Variants in ACADM observed in about 807,000 individuals in gnomAD.
ACADM encodes the protein acyl-CoA dehydrogenase medium chain, also known as medium-chain specific acyl-CoA dehydrogenase, mitochondrial.
In ACADM, 49 loss-of-function variants were observed where a neutral mutation model predicts 58.9. The observed-to-expected ratio is 0.83, with a 90% confidence interval of 0.66 to 1.06. ACADM has a LOEUF of 1.06. Ranked by LOEUF, ACADM falls within the 50% of genes least tolerant of loss-of-function variation. The probability of loss-of-function intolerance (pLI) is 0.00; values close to 1 mark genes in which losing one functional copy is unlikely to be tolerated. For synonymous variants in ACADM, 160 were observed against 157.7 expected (o/e 1.01, Z -0.11); for missense variants, 496 against 507.0 (o/e 0.98, Z 0.21).
rs1553127400 is a variant in ACADM, at chr1:75,762,761, T to G, written c.1264T>G (p.Ter422GluextTer9). The G allele has an allele frequency of 6.4e-7, 1 of 1,573,046 alleles. No individual in the cohort carries two copies. The highest frequency in any genetic ancestry group is 1.7e-5 in the Admixed American group (1 of 59,668). ...AREHIDKYKN[*>E] ...TGAACACATTGACAAGTACAAAAAT[T>G]AAAAAAATTACTGTAGAAATATTGA... Residue 422 changes from the stop codon to glutamate, a stop_lost, in exon 12 of 12, where the codon TAA becomes GAA. Transcript: ENST00000370841.
chr1:75,732,234 TTCATC>T (rs1426208990), intron 2 of ACADM, among the ~76,000 whole-genome samples: 2 of 152,346 alleles, frequency 1.3e-5, no homozygotes, highest in East Asian at 3.9e-4. Context: ...CTGAGTGTGT[TTCATC>T]TATTTCGTTA....
At chr1:75,731,761 A>C (rs1214533888) in intron 2 of ACADM, among the ~76,000 whole-genome samples, 2 of 152,066 alleles carry the variant, frequency 1.3e-5, no homozygotes, top group Admixed American at 1.3e-4. Flanking sequence ...ATGGTGTCTC[A>C]TGCTTGTAAT....
chr1:75,732,112 A>T (rs2100360736), intron 2 of ACADM, among the ~76,000 whole-genome samples: 1 of 151,876 alleles, frequency 6.6e-6, no homozygotes, highest in East Asian at 1.9e-4. Context: ...TAATTGCACC[A>T]CTGCACTCCA....
intron 6 of ACADM, among the ~76,000 whole-genome samples, chr1:75,737,831 T>C (rs1312990980): frequency 2.0e-5 from 3 of 152,180 alleles, no homozygotes; most frequent in African/African-American, 4.8e-5. Flanking sequence ...CATACTGTAA[T>C]AGGTGTTCAA....
chr1:75,760,264 CAAAAAA>C (rs764807575), intron 10 of ACADM, among the ~76,000 whole-genome samples: 5 of 51,194 alleles, frequency 9.8e-5, no homozygotes, highest in Non-Finnish European at 1.5e-4. Context: ...ACTAAAAATA[CAAAAAA>C]AAAAAAAAAA....
Position 75,728,389 on chromosome 1 carries a change from T to G in ACADM, c.31-12T>G. 1.9e-6 allele frequency: 3 copies of G among 1,603,950 alleles called. No homozygotes were observed. Among genetic ancestry groups the G allele is most frequent in the Non-Finnish European group, 2.6e-6 (3 of 1,173,140 alleles). On this transcript the variant is annotated splice_polypyrimidine_tract_variant and intron_variant, in intron 1 of 11. Transcript: ENST00000370841. ...CTTATCAAATTTATTTTAATAAAAG[T>G]GTTCTTTACAGGTCCTGAGAAGTAT...
intron 1 of ACADM, among the ~76,000 whole-genome samples, chr1:75,726,360 C>T (rs1488260450): frequency 3.8e-5 from 2 of 53,056 alleles, no homozygotes; most frequent in Non-Finnish European, 6.9e-5. Context: ...CAGAGGGAGA[C>T]TCTGTCAAAA....
At chr1:75,749,700 T>C (rs556327574) in intron 9 of ACADM, 141 bp downstream of exon 9, 77 of 784,418 alleles carry the variant, frequency 9.8e-5, no homozygotes, top group South Asian at 3.7e-4. Flanking sequence ...AAAAATACTG[T>C]TACTTTTCTT....
chr1:75,743,565 A>G, intron 7 of ACADM: 1 of 1,592,108 alleles, frequency 6.3e-7, no homozygotes, highest in East Asian at 2.2e-5. Context: ...TGCCTCCTAT[A>G]GCCACTGGCT....
chr1:75,734,430 C>T (rs1398067951), intron 5 of ACADM, among the ~76,000 whole-genome samples: 1 of 151,812 alleles, frequency 6.6e-6, no homozygotes, highest in Non-Finnish European at 1.5e-5. Flanking sequence ...CCACCTCGGC[C>T]TCCCAAAGTG....
chr1:75,743,641 G>C (rs780076076), intron 7 of ACADM: 6 of 1,523,138 alleles, frequency 3.9e-6, no homozygotes, highest in African/African-American at 1.4e-5. Context: ...TTCAAAGAGT[G>C]AGCCAAAAAC....
intron 8 of ACADM, among the ~76,000 whole-genome samples, chr1:75,749,175 A>C (rs1334672164): frequency 6.6e-6 from 1 of 152,228 alleles, no homozygotes; most frequent in Non-Finnish European, 1.5e-5. Context: ...CAGGCTTTGC[A>C]GGCCATATCT....
At chr1:75,728,333 A>G in intron 1 of ACADM, 68 bp from the exon 2 acceptor site, 1 of 1,307,340 alleles carries the variant, frequency 7.6e-7, no homozygotes, top group Non-Finnish European at 1.1e-6. Context: ...ACTTATGATT[A>G]TCAGTAGTCT....
intron 6 of ACADM, among the ~76,000 whole-genome samples, chr1:75,737,311 T>TATATAC (rs1647319663): frequency 4.9e-5 from 5 of 101,308 alleles, no homozygotes; most frequent in African/African-American, 1.1e-4. Flanking sequence ...TATATATATA[T>TATATAC]ATATATATAT....
At chr1:75,731,497 A>G (rs11810780) in intron 2 of ACADM, among the ~76,000 whole-genome samples, 3,028 of 152,210 alleles carry the variant, frequency 0.02, 118 homozygotes, top group African/African-American at 0.068. Context: ...AACCACATTA[A>G]AACACAAGGA....
chr1:75,750,835 G>C, intron 10 of ACADM: 1 of 433,340 alleles, frequency 2.3e-6, no homozygotes, highest in Non-Finnish European at 4.2e-6. Context: ...CACAGTCTCC[G>C]CCTCCCGAGT....
intron 2 of ACADM, among the ~76,000 whole-genome samples, chr1:75,731,609 A>C (rs1483309953): frequency 6.6e-6 from 1 of 152,320 alleles, no homozygotes; most frequent in East Asian, 1.9e-4. Context: ...ATTTTATGTA[A>C]ACAAATTGTT....
intron 6 of ACADM, among the ~76,000 whole-genome samples, chr1:75,739,001 C>T (rs1647421990): frequency 6.6e-6 from 1 of 152,148 alleles, no homozygotes; most frequent in Non-Finnish European, 1.5e-5. Flanking sequence ...TCCTTTCTTT[C>T]CAGACTCATG....
At chr1:75,733,482 T>C (rs1237491868) in intron 4 of ACADM, 46 bp from the exon 5 acceptor site, 1 of 1,498,806 alleles carries the variant, frequency 6.7e-7, no homozygotes, top group East Asian at 2.3e-5. Flanking sequence ...ATTTCTATTG[T>C]GATGTACTAC....
Sources: allele counts gnomAD v4.1 joint callset (sites outside exome capture counted in the v4.1 genomes callset), GRCh38; gene constraint gnomAD v4.1.1; transcripts MANE v1.5; gene names NCBI Gene and HGNC (gene_info 2026-07-23, HGNC 2026-07-21).